Variants in COL2A1 observed in about 807,000 individuals in gnomAD.
COL2A1 encodes the protein collagen type II alpha 1 chain.
In COL2A1, 28 loss-of-function variants were observed where a neutral mutation model predicts 204.5. The observed-to-expected ratio is 0.14, with a 90% CI of 0.10 to 0.19. The LOEUF (loss-of-function observed/expected upper bound fraction) is 0.19. Ranked by LOEUF, COL2A1 falls within the 10% of genes least tolerant of loss-of-function variation. COL2A1 has a pLI of 1.00. For synonymous variants in COL2A1, 708 were observed against 718.7 expected (o/e 0.99, Z 0.24); for missense variants, 1,388 against 2,027.5 (o/e 0.68, Z 6.06).
chr12:47,983,801 A>G (rs1029790306), intron 29 of COL2A1, 65 bp from the exon 30 acceptor site: 12 of 1,524,906 alleles, frequency 7.9e-6, no homozygotes, highest in Admixed American at 2.0e-5. Context: ...CACAGCTAGT[A>G]GGGCCCAGGG....
intron 15 of COL2A1, 37 bp from the exon 16 acceptor site, chr12:47,992,968 G>C: frequency 6.2e-7 from 1 of 1,603,812 alleles, no homozygotes; most frequent in African/African-American, 1.3e-5. Flanking sequence ...GCATGAGTTG[G>C]CTTTACGGTG....
intron 29 of COL2A1, 43 bp downstream of exon 29, chr12:47,984,044 C>T (rs751690991): frequency 7.6e-6 from 12 of 1,580,888 alleles, no homozygotes; most frequent in African/African-American, 2.7e-5. Flanking sequence ...CCCTCCCAGC[C>T]CCTGCCCCCA....
chr12:47,997,985 G>C, intron 5 of COL2A1, 47 bp downstream of exon 5: 1 of 1,614,168 alleles, frequency 6.2e-7, no homozygotes, highest in Non-Finnish European at 8.5e-7. Flanking sequence ...TCAGTAACTT[G>C]CGCGCAGCGA....
Position 47,982,527 on chromosome 12 carries a change from C to G in COL2A1, c.2276G>C (p.Gly759Ala). 1 of 1,613,852 alleles carries G rather than the reference C, an allele frequency of 6.2e-7. No homozygotes were observed. The highest frequency in any genetic ancestry group is 8.5e-7 in the Non-Finnish European group (1 of 1,179,882). The change falls in exon 34 of 54, where the codon GGT (glycine) becomes GCT (alanine). Residue 759 changes from glycine to alanine, a missense_variant. Around this residue, in one of 3 missense-constraint regions of COL2A1, gnomAD observed 884 missense variants for 1,415.8 expected, o/e 0.62. Coordinates refer to ENST00000380518, the MANE Select transcript of COL2A1 (RefSeq NM_001844.5). ...QGMPGERGAA[G>A]IAGPKGDRGD... Reference sequence around the variant, plus strand: ...CCTGTCGCCTTTGGGCCCAGCGATACCAGCTGCTCCCCTCTCGCCAGGCAT... The same window carrying G: ...CCTGTCGCCTTTGGGCCCAGCGATAGCAGCTGCTCCCCTCTCGCCAGGCAT...
chr12:48,004,549 G>C, upstream of COL2A1: 2 of 479,506 alleles, frequency 4.2e-6, no homozygotes, highest in Non-Finnish European at 7.4e-6. Flanking sequence ...CCCAAACCGC[G>C]GGCCGCCCCC....
intron 50 of COL2A1, 86 bp from the exon 51 acceptor site, chr12:47,975,691 G>A (rs1223107318): frequency 1.4e-6 from 2 of 1,454,294 alleles, no homozygotes; most frequent in African/African-American, 2.8e-5. Context: ...GTACTAGAGT[G>A]TCCCTCTTCC....
chr12:47,999,043 G>C (rs574185032), intron 2 of COL2A1, among the ~76,000 whole-genome samples: 4 of 152,328 alleles, frequency 2.6e-5, no homozygotes, highest in African/African-American at 9.6e-5. Flanking sequence ...CTGGGAATCT[G>C]CACATTAGGG....
In COL2A1 at chr12:47,984,996, T is replaced by A; in HGVS notation, c.1832A>T (p.Asn611Ile). Residue 611 changes from asparagine to isoleucine, a missense_variant and splice_region_variant, in exon 27 of 54, where the codon AAC becomes ATC. This residue lies in a region of COL2A1 where 884 missense variants were observed against 1,415.8 expected (regional missense o/e 0.62). Transcript: ENST00000380518. ...VMGFPGPKGA[N>I]GEPGKAGEKG... is the part of the protein sequence containing the mutation. The stretch of plus-strand genomic sequence containing the variant: ...ATAGAAGAGCAAATTATTACTTACG[T>A]TGGCACCTTTGGGGCCAGGGAAACC... 6.2e-7 allele frequency: 1 copy of A among 1,613,294 alleles called. No homozygotes were observed. The highest frequency in any genetic ancestry group is 8.5e-7 in the Non-Finnish European group (1 of 1,179,410).
chr12:47,974,871 G>A lies in COL2A1; in HGVS notation c.3887-9C>T, dbSNP rs766851820. The stretch of plus-strand genomic sequence containing the variant: ...GTCAATCCAGTAGTCTCCTGCAGGG[G>A]GAAGAGGCAGCACCCATGGGGGCTC... On this transcript the variant is annotated splice_polypyrimidine_tract_variant and intron_variant, in intron 51 of 53. Transcript: ENST00000380518. The A allele has an allele frequency of 2.5e-6, 4 of 1,612,002 alleles. No homozygotes were observed. In the South Asian group the frequency reaches 4.4e-5, roughly 18 times the overall value.
chr12:47,996,992 C>T (rs557680418), intron 7 of COL2A1, among the ~76,000 whole-genome samples: 140 of 152,244 alleles, frequency 9.2e-4, no homozygotes, highest in Admixed American at 1.8e-3. Flanking sequence ...CTTTAGTGCC[C>T]AGCAAAAGAC....
chr12:47,984,017 G>T, intron 29 of COL2A1, 70 bp downstream of exon 29: 2 of 1,364,796 alleles, frequency 1.5e-6, no homozygotes, highest in Non-Finnish European at 2.0e-6. Flanking sequence ...TTAATGGATG[G>T]GCTCTCCCAC....
chr12:47,981,287 C>T, intron 37 of COL2A1, 56 bp downstream of exon 37: 2 of 1,578,564 alleles, frequency 1.3e-6, no homozygotes, highest in East Asian at 2.3e-5. Flanking sequence ...GACTCCCTGG[C>T]TCTCTGGTTC....
chr12:47,987,421 G>T lies in COL2A1; in HGVS notation c.1222-108C>A. The T allele has an allele frequency of 8.0e-7, 1 of 1,244,174 alleles. No homozygotes were observed. Among genetic ancestry groups the T allele is most frequent in the Non-Finnish European group, 1.2e-6 (1 of 857,472 alleles). The allele number at this position is 1,244,174 out of a possible 1,614,324, so 77.1% of individuals were successfully genotyped here. On this transcript the variant is annotated intron_variant, in intron 19 of 53. Transcript: ENST00000380518. This position sits in a 1 kb window ranked among gnomAD's most constrained non-coding sequence, Gnocchi z 4.1. ...CTGGCATAGGTGCTGTCCATTTCAG[G>T]GACATTCCCACTATGTGTTTCAAGG...
chr12:47,979,639 GGGTGGT>G, intron 40 of COL2A1, 75 bp from the exon 41 acceptor site: 1 of 546,768 alleles, frequency 1.8e-6, no homozygotes, highest in Non-Finnish European at 3.5e-6. Context: ...CGGGGGGCGG[GGGTGGT>G]CTCAGAGCCT....
At chr12:47,991,512 A>G (rs1939705439) in intron 16 of COL2A1, among the ~76,000 whole-genome samples, 1 of 152,156 alleles carries the variant, frequency 6.6e-6, no homozygotes, top group Non-Finnish European at 1.5e-5. Context: ...ACCACAGAGC[A>G]GAGGCCTCGC....
chr12:47,977,442 G>A lies in COL2A1; in HGVS notation c.3166-15C>T, dbSNP rs1232190202. On this transcript the variant is annotated splice_polypyrimidine_tract_variant and intron_variant, in intron 45 of 53. Coordinates refer to ENST00000380518, the MANE Select transcript of COL2A1 (RefSeq NM_001844.5). ...CCACGATCACCCTGTCAGGAGAGAG[G>A]TCTCAGGCTCAGAGAAGAATGTTCC... 8 of 1,603,624 alleles carry A rather than the reference G, an allele frequency of 5.0e-6. No homozygotes were observed. The highest frequency in any genetic ancestry group is 6.8e-6 in the Non-Finnish European group (8 of 1,171,302).
chr12:47,993,586 G>C, intron 14 of COL2A1, 84 bp from the exon 15 acceptor site: 1 of 1,285,700 alleles, frequency 7.8e-7, no homozygotes, highest in Non-Finnish European at 1.1e-6. Flanking sequence ...CAAAAGCCCT[G>C]GTCATCTCAG....
Position 47,975,521 on chromosome 12 carries a change from G to A in COL2A1, c.3682C>T (p.Pro1228Ser), listed in dbSNP as rs1204262041. ...IDMSAFAGLG[P>S]REKGPDPLQY... ...AGGGGGTCGGGGCCCTTCTCTCTCG[G>A]GCCTAAGCCAGCAAAGGCGGACATG... Residue 1228 changes from proline to serine, a missense_variant, in exon 51 of 54, where the codon CCG (proline) becomes TCG (serine). This residue lies in a region of COL2A1 where 303 missense variants were observed against 369.2 expected (regional missense o/e 0.82). Transcript: ENST00000380518. 3 of 1,609,850 alleles carry A rather than the reference G, an allele frequency of 1.9e-6. No individual in the cohort carries two copies. Among genetic ancestry groups the A allele is most frequent in the South Asian group, 1.1e-5 (1 of 91,078 alleles).
chr12:47,995,237 C>T lies in COL2A1; in HGVS notation c.762+18G>A, dbSNP rs747922604. On this transcript the variant is annotated intron_variant, in intron 11 of 53. Coordinates refer to ENST00000380518, the MANE Select transcript of COL2A1 (RefSeq NM_001844.5). ...TCAAAGGAGGCAGCTCCTCATTTGT[C>T]TACTCGTGTATACTCACATCATCAC... 4 of 1,609,450 alleles carry T rather than the reference C, an allele frequency of 2.5e-6. No individual in the cohort carries two copies. In the East Asian group the frequency reaches 8.9e-5, roughly 36 times the overall value.
Sources: allele counts gnomAD v4.1 joint callset (sites outside exome capture counted in the v4.1 genomes callset), GRCh38; gene constraint gnomAD v4.1.1; regional missense constraint gnomAD v4.1.1; non-coding constraint Gnocchi (gnomAD v3.1); transcripts MANE v1.5; gene names NCBI Gene and HGNC (gene_info 2026-07-23, HGNC 2026-07-21).